Variants in CSMD1 observed in about 807,000 individuals in gnomAD.
CSMD1 encodes the protein CUB and sushi domain-containing protein 1.
CSMD1 carries 213 observed loss-of-function variants against 417.5 expected under a neutral mutation model. That is an observed-to-expected ratio of 0.51 (90% CI 0.46 to 0.57). The LOEUF is 0.57. Among genes scored for constraint, CSMD1 ranks in the 20% least tolerant of loss-of-function variants. The pLI is 0.00. For missense variants in CSMD1, 6,923 were observed against 4,529.7 expected, an observed-to-expected ratio of 1.53 and a Z score of -15.17; for synonymous variants, 2,862 against 1,736.8, an observed-to-expected ratio of 1.65 and a Z score of -16.11.
intron 25 of CSMD1, among the ~76,000 whole-genome samples, chr8:3,293,717 T>C (rs923169363): frequency 2.0e-5 from 3 of 151,834 alleles, no homozygotes; most frequent in Admixed American, 6.6e-5. Flanking sequence ...TTATTCTAGT[T>C]AGCCATTCGT....
intron 8 of CSMD1, among the ~76,000 whole-genome samples, chr8:3,597,470 C>G (rs17066529): frequency 6.6e-6 from 1 of 151,972 alleles, no homozygotes; most frequent in Non-Finnish European, 1.5e-5. Context: ...TTCAGGTCAC[C>G]AGGCTATTAA....
chr8:3,565,995 T>C (rs947040527), intron 10 of CSMD1, among the ~76,000 whole-genome samples: 9 of 152,190 alleles, frequency 5.9e-5, no homozygotes, highest in Admixed American at 2.0e-4. Context: ...ATATAATACA[T>C]TGACACCCCA....
chr8:4,457,607 A>G (rs1392533663), intron 2 of CSMD1, among the ~76,000 whole-genome samples: 3 of 152,078 alleles, frequency 2.0e-5, no homozygotes, highest in Non-Finnish European at 4.4e-5. Context: ...TTGCTACTTA[A>G]TCATAATGGA....
intron 3 of CSMD1, among the ~76,000 whole-genome samples, chr8:4,170,760 G>A (rs74612109): frequency 0.021 from 3,135 of 151,760 alleles, 190 homozygotes; most frequent in African/African-American, 0.071. Context: ...GAAAAAGGTA[G>A]CTAAGGGACA....
chr8:3,784,881 T>C (rs73172218), intron 5 of CSMD1, among the ~76,000 whole-genome samples: 4,024 of 152,306 alleles, frequency 0.026, 71 homozygotes, highest in Middle Eastern at 0.048. Context: ...AACATTTGCT[T>C]AAAATTGTAC....
At chr8:4,235,877 G>C (rs1802017575) in intron 3 of CSMD1, among the ~76,000 whole-genome samples, 1 of 152,122 alleles carries the variant, frequency 6.6e-6, no homozygotes. Flanking sequence ...AGGAATAGCG[G>C]AACCGGCTGA....
intron 17 of CSMD1, among the ~76,000 whole-genome samples, chr8:3,391,826 T>G (rs1438835392): frequency 6.6e-6 from 1 of 152,192 alleles, no homozygotes; most frequent in East Asian, 1.9e-4. Flanking sequence ...TCTATGGGCA[T>G]GAAGAAGCGT....
intron 47 of CSMD1, among the ~76,000 whole-genome samples, chr8:3,093,171 G>C (rs1283256922): frequency 6.6e-6 from 1 of 152,090 alleles, no homozygotes; most frequent in African/African-American, 2.4e-5. Flanking sequence ...GGTCCCTAAA[G>C]ACATAACTAA....
intron 49 of CSMD1, among the ~76,000 whole-genome samples, chr8:3,062,148 CCTTT>C (rs1342237768): frequency 6.6e-6 from 1 of 152,054 alleles, no homozygotes; most frequent in African/African-American, 2.4e-5. Flanking sequence ...ATTTCTGGGT[CCTTT>C]CTTTTTTTTC....
At chr8:3,928,229 T>C (rs938257827) in intron 5 of CSMD1, among the ~76,000 whole-genome samples, 3 of 152,132 alleles carry the variant, frequency 2.0e-5, no homozygotes, top group African/African-American at 4.8e-5. Context: ...AAAATAGAAA[T>C]AGTAGGTATA....
chr8:4,986,823 T>C (rs189657441), intron 1 of CSMD1, among the ~76,000 whole-genome samples: 12 of 152,162 alleles, frequency 7.9e-5, no homozygotes, highest in Non-Finnish European at 1.8e-4. Flanking sequence ...TTTCATAGTA[T>C]AGTATATTCT....
At chr8:4,160,182 G>A (rs1025200079) in intron 3 of CSMD1, among the ~76,000 whole-genome samples, 2 of 152,016 alleles carry the variant, frequency 1.3e-5, no homozygotes, top group African/African-American at 4.8e-5. Flanking sequence ...AAGACTTAAG[G>A]GGAAGTATTT....
intron 5 of CSMD1, among the ~76,000 whole-genome samples, chr8:3,821,441 T>G (rs73658292): frequency 1.3e-5 from 2 of 152,294 alleles, no homozygotes; most frequent in African/African-American, 4.8e-5. Context: ...TGACGCATAA[T>G]TATATGGCTA....
Position 3,994,004 on chromosome 8 carries a change from C to A in CSMD1, c.818+3899G>T, listed in dbSNP as rs541768947. Among the ~76,000 whole-genome samples the A allele has an allele frequency of 3.3e-5, 5 of 152,054 alleles. 1 individual carries two copies. Among genetic ancestry groups the A allele is most frequent in the Admixed American group, 3.3e-4 (5 of 15,264 alleles). ...CAGGGGCAAACTGCAAGGGGATGGG[C>A]GTGCCTGGCAGGGAGGGAGCCAGGA... On this transcript the variant is annotated intron_variant, in intron 5 of 69. Transcript: ENST00000635120.
At position 3,257,142 on chromosome 8, in the gene CSMD1, T is replaced by G. The variant is rs548440472; in HGVS notation, c.4154-26911A>C. ...TTTGAGACCAGCCTGGCCAACATGGTGAAACCCCATCTCCGCTAAAAACAC... is the reference window on the plus strand; with the variant it reads ...TTTGAGACCAGCCTGGCCAACATGGGGAAACCCCATCTCCGCTAAAAACAC... On this transcript the variant is annotated intron_variant, in intron 26 of 69. Transcript: ENST00000635120. 2.2e-4 allele frequency among the ~76,000 whole-genome samples: 34 copies of G among 152,208 alleles called. No individual in the cohort carries two copies. The South Asian group carries it at 6.8e-3, about 31-fold the overall frequency.
intron 1 of CSMD1, among the ~76,000 whole-genome samples, chr8:4,727,069 T>C (rs1809505758): frequency 6.6e-6 from 1 of 152,088 alleles, no homozygotes; most frequent in Non-Finnish European, 1.5e-5. Flanking sequence ...GAGATTGATG[T>C]CAGGGCTTTC....
At chr8:3,341,317 A>C (rs192517285) in intron 23 of CSMD1, among the ~76,000 whole-genome samples, 6 of 152,300 alleles carry the variant, frequency 3.9e-5, no homozygotes, top group Admixed American at 2.0e-4. Context: ...AGAATTATGG[A>C]AACAGCTCAG....
intron 5 of CSMD1, 61 bp from the exon 6 acceptor site, chr8:3,754,103 T>A: frequency 1.9e-6 from 2 of 1,050,254 alleles, no homozygotes; most frequent in South Asian, 1.4e-5. Flanking sequence ...ATGTCCTATA[T>A]CAAACCCGCT....
chr8:4,083,598 C>A (rs1288645312), intron 3 of CSMD1, among the ~76,000 whole-genome samples: 1 of 152,194 alleles, frequency 6.6e-6, no homozygotes, highest in East Asian at 1.9e-4. Flanking sequence ...GGAAAGGATT[C>A]CCTATTTAAT....
Sources: allele counts gnomAD v4.1 joint callset (sites outside exome capture counted in the v4.1 genomes callset), GRCh38; gene constraint gnomAD v4.1.1; transcripts MANE v1.5; gene names NCBI Gene and HGNC (gene_info 2026-07-23, HGNC 2026-07-21).